SLC44A5: variants seen among roughly 807,000 people sequenced by gnomAD.
The protein encoded by SLC44A5 is choline transporter-like protein 5.
In SLC44A5, 57 loss-of-function variants were observed where a neutral mutation model predicts 101.8. The ratio of observed to expected loss-of-function variants is 0.56; its 90% CI spans 0.45 to 0.70. The LOEUF (loss-of-function observed/expected upper bound fraction) is 0.70. Ranked by LOEUF, SLC44A5 falls within the 30% of genes least tolerant of loss-of-function variation. The pLI, the probability that SLC44A5 is intolerant of heterozygous loss-of-function variation, is 0.00. For missense variants in SLC44A5, 737 were observed against 853.1 expected, an observed-to-expected ratio of 0.86 and a Z score of 1.70; for synonymous variants, 281 against 290.9, an observed-to-expected ratio of 0.97 and a Z score of 0.35.
rs1366918117 is a variant in SLC44A5 at position 75,405,037 on chromosome 1, G to A, written c.14-8416C>T. On this transcript the variant is annotated intron_variant, in intron 2 of 23. Transcript: ENST00000370859. ...CAAATGGAAAGCAAAAAGAAGCAAG[G>A]GTTGCAATCCTACTCTCTGATAAAA... Among the ~76,000 whole-genome samples, 3 of 152,190 alleles carry A rather than the reference G, an allele frequency of 2.0e-5. No individual in the cohort carries two copies. In the East Asian group the frequency reaches 5.8e-4, roughly 29 times the overall value.
intron 2 of SLC44A5, among the ~76,000 whole-genome samples, chr1:75,435,624 C>T (rs1372802192): frequency 6.6e-6 from 1 of 152,116 alleles, no homozygotes; most frequent in East Asian, 1.9e-4. Flanking sequence ...TACTTCACTC[C>T]TCTAGGTCAG....
chr1:75,549,691 G>C (rs1269384484), intron 1 of SLC44A5, among the ~76,000 whole-genome samples: 1 of 152,144 alleles, frequency 6.6e-6, no homozygotes, highest in Non-Finnish European at 1.5e-5. Flanking sequence ...TACTTACAAG[G>C]TGAGAAAAGC....
chr1:75,503,913 C>T (rs1230576645), intron 2 of SLC44A5, among the ~76,000 whole-genome samples: 1 of 152,114 alleles, frequency 6.6e-6, no homozygotes, highest in Non-Finnish European at 1.5e-5. Context: ...ATGCAAAGAC[C>T]TGAGGAAATG....
chr1:75,505,766 T>G (rs1669218122), intron 2 of SLC44A5, among the ~76,000 whole-genome samples: 1 of 152,214 alleles, frequency 6.6e-6, no homozygotes, highest in Non-Finnish European at 1.5e-5. Flanking sequence ...CTTTGTTGGA[T>G]GCATAGTTGC....
intron 3 of SLC44A5, among the ~76,000 whole-genome samples, chr1:75,351,260 C>T (rs1029018480): frequency 6.6e-6 from 1 of 151,902 alleles, no homozygotes; most frequent in African/African-American, 2.4e-5. Context: ...AAGATTGTAA[C>T]ACATTTTCTC....
intron 2 of SLC44A5, among the ~76,000 whole-genome samples, chr1:75,439,935 T>C (rs1414975506): frequency 1.3e-5 from 2 of 151,876 alleles, no homozygotes; most frequent in Non-Finnish European, 2.9e-5. Flanking sequence ...CTTAAGCCAG[T>C]CAGAAAGCAA....
intron 5 of SLC44A5, among the ~76,000 whole-genome samples, chr1:75,292,625 C>T (rs1400247797): frequency 1.3e-5 from 2 of 152,152 alleles, no homozygotes; most frequent in Non-Finnish European, 2.9e-5. Context: ...TGACCCATAT[C>T]AGTCTCAGAG....
chr1:75,554,081 T>A (rs1257676974), intron 1 of SLC44A5, among the ~76,000 whole-genome samples: 1 of 152,178 alleles, frequency 6.6e-6, no homozygotes. Flanking sequence ...AAAGTGTATG[T>A]AAGGCACAAA....
upstream of SLC44A5, chr1:75,615,768 C>G: frequency 1.2e-6 from 1 of 818,300 alleles, no homozygotes; most frequent in South Asian, 5.5e-5. Context: ...CACTTGGCCG[C>G]GCCTGGATGT....
At chr1:75,423,652 C>A (rs1664141866) in intron 2 of SLC44A5, among the ~76,000 whole-genome samples, 2 of 152,174 alleles carry the variant, frequency 1.3e-5, no homozygotes, top group South Asian at 2.1e-4. Context: ...ATTTGCCTTG[C>A]GTCTTTTGGA....
chr1:75,473,289 G>C (rs1289407184), intron 2 of SLC44A5, among the ~76,000 whole-genome samples: 1 of 152,072 alleles, frequency 6.6e-6, no homozygotes, highest in East Asian at 1.9e-4. Flanking sequence ...CCAAGAATTG[G>C]ATAAAGCTTT....
chr1:75,362,696 C>T (rs539625552), intron 3 of SLC44A5, among the ~76,000 whole-genome samples: 1 of 151,918 alleles, frequency 6.6e-6, no homozygotes, highest in East Asian at 1.9e-4. Context: ...AATGTAAGAC[C>T]TGTTTTGTGA....
chr1:75,516,712 C>T (rs999368606), intron 2 of SLC44A5, among the ~76,000 whole-genome samples: 22 of 152,112 alleles, frequency 1.4e-4, no homozygotes, highest in African/African-American at 5.3e-4. Context: ...TTCCCAGCAT[C>T]CAGCACAATG....
intron 1 of SLC44A5, chr1:75,582,607 C>G (rs1043052465): frequency 3.5e-5 from 11 of 310,832 alleles, no homozygotes; most frequent in Middle Eastern, 9.7e-4. Context: ...TGGTGTGACC[C>G]GCCCTGCACT....
chr1:75,645,912 G>C, the SLC44A5 span, among the ~76,000 whole-genome samples: 1 of 134,972 alleles, frequency 7.4e-6, no homozygotes, highest in Non-Finnish European at 1.7e-5. Context: ...TTCTTGTTTT[G>C]GTCAGGTTTC....
intron 2 of SLC44A5, among the ~76,000 whole-genome samples, chr1:75,467,572 A>G (rs866685870): frequency 6.6e-6 from 1 of 152,168 alleles, no homozygotes; most frequent in Non-Finnish European, 1.5e-5. Flanking sequence ...CCAAGAACAT[A>G]CACTGAGGAA....
chr1:75,336,238 C>T (rs1397350037), intron 4 of SLC44A5, among the ~76,000 whole-genome samples: 1 of 152,072 alleles, frequency 6.6e-6, no homozygotes, highest in Non-Finnish European at 1.5e-5. Flanking sequence ...TCACTGCAAC[C>T]TCTGCCTCCT....
At chr1:75,654,736 G>A in the SLC44A5 span, among the ~76,000 whole-genome samples, 1 of 151,918 alleles carries the variant, frequency 6.6e-6, no homozygotes, top group Non-Finnish European at 1.5e-5. Flanking sequence ...CATAATACAT[G>A]GGCAAAAATA....
intron 2 of SLC44A5, among the ~76,000 whole-genome samples, chr1:75,415,705 A>T (rs891693167): frequency 1.3e-5 from 2 of 152,182 alleles, no homozygotes; most frequent in African/African-American, 4.8e-5. Flanking sequence ...GCTGATAGTG[A>T]TATGAACAAT....
Sources: allele counts gnomAD v4.1 joint callset (sites outside exome capture counted in the v4.1 genomes callset), GRCh38; gene constraint gnomAD v4.1.1; transcripts MANE v1.5; gene names NCBI Gene and HGNC (gene_info 2026-07-23, HGNC 2026-07-21).